The following TAC4 variants were observed in gnomAD, a reference collection of about 807,000 sequenced individuals.
TAC4 encodes tachykinin-4.
TAC4 carries 17 observed loss-of-function variants against 17.7 expected under a neutral mutation model. The ratio of observed to expected loss-of-function variants is 0.96; its 90% CI spans 0.66 to 1.44. The LOEUF is 1.44. TAC4 is among the 40% of genes most tolerant of loss of function. The pLI, the probability that TAC4 is intolerant of heterozygous loss-of-function variation, is 0.00. For synonymous variants in TAC4, 62 were observed against 52.4 expected (o/e 1.18, Z -0.79); for missense variants, 118 against 125.6 (o/e 0.94, Z 0.29).
chr17:49,839,107 T>C (rs771002812), intron 4 of TAC4, among the ~76,000 whole-genome samples: 3 of 152,148 alleles, frequency 2.0e-5, no homozygotes, highest in South Asian at 2.1e-4. Flanking sequence ...CTATTTGTTA[T>C]TGAGGTGACT....
At chr17:49,847,335 C>A in intron 1 of TAC4, 1 of 1,143,386 alleles carries the variant, frequency 8.7e-7, no homozygotes. Flanking sequence ...GATTGTCAGG[C>A]AGGAGTGGGG....
At chr17:49,843,240 A>G (rs1195283412) in intron 2 of TAC4, among the ~76,000 whole-genome samples, 1 of 152,256 alleles carries the variant, frequency 6.6e-6, no homozygotes, top group African/African-American at 2.4e-5. Flanking sequence ...TAAAAAATGT[A>G]ATATTGACAA....
At chr17:49,839,500 C>T (rs143179336) in intron 4 of TAC4, among the ~76,000 whole-genome samples, 19 of 152,282 alleles carry the variant, frequency 1.2e-4, no homozygotes, top group African/African-American at 3.6e-4. Flanking sequence ...ATTAGTGTAA[C>T]GATCAACGAT....
chr17:49,839,989 C>G, intron 3 of TAC4, 80 bp from the exon 4 acceptor site: 1 of 1,409,756 alleles, frequency 7.1e-7, no homozygotes, highest in Non-Finnish European at 9.9e-7. Flanking sequence ...GGACAAAGGA[C>G]AGGGCCAGGG....
intron 4 of TAC4, among the ~76,000 whole-genome samples, 155 bp downstream of exon 4, chr17:49,839,695 T>A (rs1224057415): frequency 1.3e-5 from 2 of 152,136 alleles, no homozygotes; most frequent in African/African-American, 4.8e-5. Context: ...TGGGACCACC[T>A]CCTTGCACTC....
intron 2 of TAC4, among the ~76,000 whole-genome samples, chr17:49,842,993 A>G (rs763746607): frequency 3.3e-5 from 5 of 152,126 alleles, no homozygotes; most frequent in African/African-American, 4.8e-5. Context: ...ATAGATTTTG[A>G]CCATTCCCTG....
intron 4 of TAC4, 83 bp from the exon 5 acceptor site, chr17:49,838,756 A>C (rs1311408871): frequency 7.0e-7 from 1 of 1,429,420 alleles, no homozygotes; most frequent in Non-Finnish European, 9.6e-7. Context: ...CCCTAGTTGC[A>C]TTGAAGGCCT....
Position 49,839,925 on chromosome 17 carries a change from A to G in TAC4, c.233-16T>C. 2 of 1,610,660 alleles carry G rather than the reference A, an allele frequency of 1.2e-6. No homozygotes were observed. The highest frequency in any genetic ancestry group is 1.7e-6 in the Non-Finnish European group (2 of 1,178,484). On this transcript the variant is annotated splice_polypyrimidine_tract_variant and intron_variant, in intron 3 of 4. Coordinates refer to ENST00000436235, the MANE Select transcript of TAC4 (RefSeq NM_001077506.2). ...AGCTGATATGCTGGTGGTGGGAGAGAGAAGTGGTAGAGGAGAGAGGCAGCA... is the reference window on the plus strand; with the variant it reads ...AGCTGATATGCTGGTGGTGGGAGAGGGAAGTGGTAGAGGAGAGAGGCAGCA...
chr17:49,845,884 A>G (rs2074534410), intron 1 of TAC4: 1 of 186,990 alleles, frequency 5.3e-6, no homozygotes, highest in Non-Finnish European at 1.1e-5. Context: ...CCACCCCACC[A>G]GGACGTCAGT....
chr17:49,844,129 T>A lies in TAC4; in HGVS notation c.134A>T (p.Gln45Leu), dbSNP rs2074518937. 1 of 1,613,890 alleles carries A rather than the reference T, an allele frequency of 6.2e-7. No individual in the cohort carries two copies. Among genetic ancestry groups the A allele is most frequent in the Non-Finnish European group, 8.5e-7 (1 of 1,179,774 alleles). Residue 45 changes from glutamine (Q) to leucine (L), a missense_variant, in exon 2 of 5, where the codon CAG becomes CTG. By Grantham distance (113) the Gln-to-Leu change is moderately radical. Coordinates refer to ENST00000436235, the MANE Select transcript of TAC4 (RefSeq NM_001077506.2). The stretch of plus-strand genomic sequence containing the variant: ...CTTGCCCGTCTTCACCTCCTGCAGC[T>A]GGAGCTGAATGCTGGGGCCAGCGCC... ...WEGAGPSIQL[Q>L]LQEVKTGKAS... is the part of the protein sequence containing the mutation.
At chr17:49,847,873 C>G in intron 1 of TAC4, 40 bp downstream of exon 1, 3 of 1,613,742 alleles carry the variant, frequency 1.9e-6, no homozygotes, top group Non-Finnish European at 2.5e-6. Flanking sequence ...CTGCCCTCGT[C>G]AGAGCCTCTC....
At chr17:49,846,234 C>G (rs570164521) in intron 1 of TAC4, 1 of 1,288,724 alleles carries the variant, frequency 7.8e-7, no homozygotes, top group African/African-American at 1.5e-5. Context: ...GCCCCGAGAG[C>G]AAGGGAGGTA....
At chr17:49,841,472 A>T in intron 3 of TAC4, 80 bp downstream of exon 3, 1 of 1,430,820 alleles carries the variant, frequency 7.0e-7, no homozygotes, top group South Asian at 1.5e-5. Flanking sequence ...ATCTCCCCTC[A>T]CCCACCTGGT....
chr17:49,838,308 T>C lies in TAC4; in HGVS notation c.*334A>G, dbSNP rs551081773. On this transcript the variant is annotated 3_prime_UTR_variant, in exon 5 of 5. Coordinates refer to ENST00000436235, the MANE Select transcript of TAC4 (RefSeq NM_001077506.2). ...CACCAGAGAAGGAGCCATTCACTGG[T>C]CACTCATTTATTGAGTGCCTACTGT... 1.3e-5 allele frequency: 5 copies of C among 398,454 alleles called. No homozygotes were observed. The East Asian group carries it at 3.0e-4, about 24-fold the overall frequency. 24.7% of individuals were successfully genotyped at this position (398,454 alleles called of 1,614,324 possible). A position where few individuals can be genotyped will look rare whatever the true frequency, so the allele number is the denominator to read the frequency against.
At position 49,839,851 on chromosome 17, in the gene TAC4, T is replaced by G. The variant is rs2144033388; in HGVS notation, c.291A>C (p.Glu97Asp). 1 of 1,610,744 alleles carries G rather than the reference T, an allele frequency of 6.2e-7. No homozygotes were observed. The highest frequency in any genetic ancestry group is 8.5e-7 in the Non-Finnish European group (1 of 1,178,460). ...CAACCACCAGCGGCTCTTGCCTACC[T>G]TCTGTGAACAGGCTTCTCTTGCCCA... is the stretch of plus-strand genomic sequence containing the variant. ...GLLGKRSLFT[E>D]GREDEAQGSE The change falls in exon 4 of 5, where the codon GAA becomes GAC. Residue 97 changes from glutamate (E) to aspartate (D), a missense_variant and splice_region_variant. Transcript: ENST00000436235.
intron 1 of TAC4, among the ~76,000 whole-genome samples, chr17:49,845,689 C>T (rs983840081): frequency 6.6e-6 from 1 of 152,190 alleles, no homozygotes; most frequent in Non-Finnish European, 1.5e-5. Context: ...GGATCAGAGG[C>T]TCTTTCTTCC....
At position 49,839,837 on chromosome 17, in the gene TAC4, G is replaced by A. The variant is rs530018588; in HGVS notation, c.292+13C>T. 8.1e-6 allele frequency: 13 copies of A among 1,606,956 alleles called. No homozygotes were observed. In the Admixed American group the frequency reaches 1.4e-4, roughly 17 times the overall value. On this transcript the variant is annotated intron_variant, in intron 4 of 4. Transcript: ENST00000436235. Reference sequence around the variant, plus strand: ...CCATGATGCCCTTGCAACCACCAGCGGCTCTTGCCTACCTTCTGTGAACAG... The same window carrying A: ...CCATGATGCCCTTGCAACCACCAGCAGCTCTTGCCTACCTTCTGTGAACAG...
intron 3 of TAC4, 36 bp downstream of exon 3, chr17:49,841,516 G>T: frequency 6.4e-7 from 1 of 1,555,826 alleles, no homozygotes; most frequent in Non-Finnish European, 8.7e-7. Flanking sequence ...GCCCTCCCTA[G>T]GGGGCATGTT....
At chr17:49,847,762 A>C (rs2074556068) in intron 1 of TAC4, 151 bp downstream of exon 1, 1 of 1,332,226 alleles carries the variant, frequency 7.5e-7, no homozygotes, top group Admixed American at 1.9e-5. Context: ...CATAGCCTTG[A>C]ATCTACCCAT....
Sources: gnomAD v4.1 joint callset for allele counts (sites outside exome capture counted in the v4.1 genomes callset) on GRCh38, gnomAD v4.1.1 for gene constraint, MANE v1.5 for transcripts, NCBI Gene and HGNC (gene_info 2026-07-23, HGNC 2026-07-21) for gene names.